Variants in MAP3K11 observed in about 807,000 individuals in gnomAD.
The protein encoded by MAP3K11 is mitogen-activated protein kinase kinase kinase 11, also known as SH3 domain-containing proline-rich kinase.
Under a neutral mutation model 84.9 loss-of-function variants are expected in MAP3K11, and 46 were observed. That is an observed-to-expected ratio of 0.54 (90% confidence interval 0.43 to 0.69). The LOEUF is 0.69. Ranked by LOEUF, MAP3K11 falls within the 30% of genes least tolerant of loss-of-function variation. The pLI, the probability that MAP3K11 is intolerant of heterozygous loss-of-function variation, is 0.00. For synonymous variants in MAP3K11, 527 were observed against 514.7 expected (o/e 1.02, Z -0.32); for missense variants, 1,053 against 1,198.3 (o/e 0.88, Z 1.79).
intron 7 of MAP3K11, 46 bp from the exon 8 acceptor site, chr11:65,605,898 T>G: frequency 6.2e-7 from 1 of 1,612,168 alleles, no homozygotes; most frequent in African/African-American, 1.3e-5. Context: ...ATTTCAGGAC[T>G]TGGGGAAAGC....
chr11:65,610,634 C>T (rs1425060272), intron 1 of MAP3K11: 1 of 152,266 alleles, frequency 6.6e-6, no homozygotes. Flanking sequence ...GGCACCTCCC[C>T]TGGTGCCAGG....
Position 65,599,603 on chromosome 11 carries a change from C to A in MAP3K11, c.1997G>T (p.Gly666Val), listed in dbSNP as rs1462235316. The A allele has an allele frequency of 1.3e-6, 2 of 1,539,992 alleles. No homozygotes were observed. Among genetic ancestry groups the A allele is most frequent in the Admixed American group, 2.1e-5 (1 of 47,936 alleles). The change falls in exon 9 of 10, where the codon GGC becomes GTC. Residue 666 changes from glycine (G) to valine (V), a missense_variant. This residue lies in a region of MAP3K11 where 583 missense variants were observed against 566.6 expected (regional missense o/e 1.03). Coordinates refer to ENST00000309100, the MANE Select transcript of MAP3K11 (RefSeq NM_002419.4). ...GLGRDLQPPG[G>V]PGRERGESPT... Reference sequence around the variant, plus strand: ...GGACTCCCCGCGCTCGCGTCCTGGGCCTCCCGGCGGCTGCAGGTCGCGGCC... The same window carrying A: ...GGACTCCCCGCGCTCGCGTCCTGGGACTCCCGGCGGCTGCAGGTCGCGGCC...
chr11:65,599,754 G>A lies in MAP3K11; in HGVS notation c.1846C>T (p.Pro616Ser). 1.3e-6 allele frequency: 2 copies of A among 1,593,268 alleles called. No individual in the cohort carries two copies. The highest frequency in any genetic ancestry group is 2.2e-5 in the South Asian group (2 of 89,638). The stretch of plus-strand genomic sequence containing the variant: ...TTGGGCTCCTCGGGCTCCAGGCTAG[G>A]CCGCGGGGGGTTACCTGCGGGCAGA... ...PPALNGNPPR[P>S]SLEPEEPKRP... is the part of the protein sequence containing the mutation. The change falls in exon 9 of 10, where the codon CCT (proline) becomes TCT (serine). Residue 616 changes from proline (P) to serine (S), a missense_variant. Physicochemically the swap from Pro to Ser is moderately conservative, Grantham distance 74 (BLOSUM62 -1). Coordinates refer to ENST00000309100, the MANE Select transcript of MAP3K11 (RefSeq NM_002419.4).
intron 8 of MAP3K11, among the ~76,000 whole-genome samples, chr11:65,601,530 G>A (rs765123706): frequency 6.6e-6 from 1 of 152,116 alleles, no homozygotes; most frequent in Non-Finnish European, 1.5e-5. Flanking sequence ...GCCCAGGTGG[G>A]ATGATCACGA....
rs1854399080 is a variant in MAP3K11 at position 65,597,901 on chromosome 11, C to T, written c.*390G>A. ...CAGGGCAGGAGGTCCATGCTCTAAG[C>T]CCTAGGGCAGGGGCCGCAGTAGCAG... On this transcript the variant is annotated 3_prime_UTR_variant, in exon 10 of 10. Coordinates refer to ENST00000309100, the MANE Select transcript of MAP3K11 (RefSeq NM_002419.4). 5.5e-6 allele frequency: 1 copy of T among 181,156 alleles called. No individual in the cohort carries two copies. Among genetic ancestry groups the T allele is most frequent in the Admixed American group, 6.3e-5 (1 of 15,976 alleles). 11.2% of individuals were successfully genotyped at this position (181,156 alleles called of 1,614,324 possible).
At chr11:65,606,850 T>C in intron 5 of MAP3K11, 46 bp from the exon 6 acceptor site, 4 of 1,315,218 alleles carry the variant, frequency 3.0e-6, no homozygotes, top group Non-Finnish European at 4.3e-6. Context: ...TGTGATGAAG[T>C]AGAGCCAGGA....
chr11:65,606,989 A>G, intron 5 of MAP3K11, 185 bp from the exon 6 acceptor site: 2 of 576,022 alleles, frequency 3.5e-6, no homozygotes, highest in Non-Finnish European at 5.9e-6. Flanking sequence ...TACTCGTCTG[A>G]GTCGGAGATG....
Position 65,613,955 on chromosome 11 carries a change from C to G in MAP3K11, c.-199G>C. 1 of 687,904 alleles carries G rather than the reference C, an allele frequency of 1.5e-6. No homozygotes were observed. The highest frequency in any genetic ancestry group is 2.3e-6 in the Non-Finnish European group (1 of 426,552). The allele number at this position is 687,904 out of a possible 1,614,324, so 42.6% of individuals were successfully genotyped here. ...TCTCGGGCTTCTGGAGGAGGGCACC[C>G]AGGGCAGTGTGGTCAGGCCGGGGGG... is the stretch of plus-strand genomic sequence containing the variant. On this transcript the variant is annotated 5_prime_UTR_variant, in exon 1 of 10. Transcript: ENST00000309100.
chr11:65,613,874 GC>G lies in MAP3K11; in HGVS notation c.-119del. 8.6e-7 allele frequency: 1 copy of G among 1,168,964 alleles called. No homozygotes were observed. The highest frequency in any genetic ancestry group is 1.2e-6 in the Non-Finnish European group (1 of 859,260). 72.4% of individuals were successfully genotyped at this position (1,168,964 alleles called of 1,614,324 possible). ...CTGGGCATCCGGGCCCTGGCCCTCA[GC>G]CCCAGACCCACGCCTCTCTGGGGAG... is the stretch of plus-strand genomic sequence containing the variant. On this transcript the variant is annotated 5_prime_UTR_variant, in exon 1 of 10. It removes the in-frame stop codon of an upstream open reading frame in the 5' UTR. Coordinates refer to ENST00000309100, the MANE Select transcript of MAP3K11 (RefSeq NM_002419.4).
chr11:65,606,894 G>T, intron 5 of MAP3K11, 90 bp from the exon 6 acceptor site: 1 of 790,796 alleles, frequency 1.3e-6, no homozygotes. Context: ...CCAGCTCCCA[G>T]GCCACATAGG....
At chr11:65,599,367 G>A in intron 9 of MAP3K11, 27 bp downstream of exon 9, 1 of 1,531,690 alleles carries the variant, frequency 6.5e-7, no homozygotes, top group Non-Finnish European at 8.7e-7. Context: ...TCCCATATGT[G>A]AAGCAGGCCG....
At position 65,606,010 on chromosome 11, in the gene MAP3K11, C is replaced by G; in HGVS notation, c.1675G>C (p.Glu559Gln). ...PRRLEDSSNG[E>Q]RRACWAWGPS... ...CCCCAAGCCCAGCATGCTCGCCGCTCTCCATTGCTTGAGTCCTCCAGACGT... is the reference window on the plus strand; with the variant it reads ...CCCCAAGCCCAGCATGCTCGCCGCTGTCCATTGCTTGAGTCCTCCAGACGT... The change falls in exon 7 of 10, where the codon GAG (glutamate) becomes CAG (glutamine). Residue 559 changes from glutamate (E) to glutamine (Q), a missense_variant. This residue lies in a region of MAP3K11 where 583 missense variants were observed against 566.6 expected (regional missense o/e 1.03). Transcript: ENST00000309100. The G allele has an allele frequency of 1.2e-6, 2 of 1,602,758 alleles. No homozygotes were observed. The highest frequency in any genetic ancestry group is 1.7e-6 in the Non-Finnish European group (2 of 1,175,412).
At chr11:65,607,000 C>T in intron 5 of MAP3K11, 196 bp from the exon 6 acceptor site, 1 of 582,026 alleles carries the variant, frequency 1.7e-6, no homozygotes, top group Non-Finnish European at 2.9e-6. Context: ...GTCGGAGATG[C>T]CCTGGCGCCG....
chr11:65,599,334 C>A, intron 9 of MAP3K11, 60 bp downstream of exon 9: 1 of 1,477,808 alleles, frequency 6.8e-7, no homozygotes. Flanking sequence ...CCAGCCACTC[C>A]TCCCTCCCTG....
In MAP3K11 at chr11:65,613,904, G is replaced by A. The variant is rs1025602918; in HGVS notation, c.-148C>T. ...AGACCCACGCCTCTCTGGGGAGCCAGGAGTGTTGTCTCCCGGCCCCCCGCA... is the reference window on the plus strand; with the variant it reads ...AGACCCACGCCTCTCTGGGGAGCCAAGAGTGTTGTCTCCCGGCCCCCCGCA... On this transcript the variant is annotated 5_prime_UTR_variant, in exon 1 of 10. Coordinates refer to ENST00000309100, the MANE Select transcript of MAP3K11 (RefSeq NM_002419.4). 2 of 908,388 alleles carry A rather than the reference G, an allele frequency of 2.2e-6. No homozygotes were observed. Among genetic ancestry groups the A allele is most frequent in the Non-Finnish European group, 1.6e-6 (1 of 626,122 alleles). 56.3% of individuals were successfully genotyped at this position (908,388 alleles called of 1,614,324 possible). A position where few individuals can be genotyped will look rare whatever the true frequency, so the allele number is the denominator to read the frequency against.
At position 65,607,287 on chromosome 11, in the gene MAP3K11, C is replaced by A; in HGVS notation, c.1472G>T (p.Arg491Leu). 1 of 1,520,540 alleles carries A rather than the reference C, an allele frequency of 6.6e-7. No homozygotes were observed. The highest frequency in any genetic ancestry group is 8.7e-7 in the Non-Finnish European group (1 of 1,143,358). 94.2% of individuals were successfully genotyped at this position (1,520,540 alleles called of 1,614,324 possible). ...SKLRARDGGE[R>L]ISMPLDFKHR... Reference sequence around the variant, plus strand: ...GCCCTCACCGAGTGGCATGCTGATACGCTCGCCGCCGTCGCGCGCCCGGAG... The same window carrying A: ...GCCCTCACCGAGTGGCATGCTGATAAGCTCGCCGCCGTCGCGCGCCCGGAG... Residue 491 changes from arginine (R) to leucine (L), a missense_variant, in exon 5 of 10, where the codon CGT (arginine) becomes CTT (leucine). Transcript: ENST00000309100.
At chr11:65,604,235 G>C (rs1426718384) in intron 8 of MAP3K11, among the ~76,000 whole-genome samples, 4 of 152,246 alleles carry the variant, frequency 2.6e-5, no homozygotes, top group Non-Finnish European at 4.4e-5. Flanking sequence ...GAGAACGATG[G>C]GGCCCAGGCC....
At chr11:65,607,852 A>AG in intron 3 of MAP3K11, 36 bp from the exon 4 acceptor site, 1 of 1,606,568 alleles carries the variant, frequency 6.2e-7, no homozygotes, top group Non-Finnish European at 8.5e-7. Flanking sequence ...CAGAATAAGA[A>AG]GGGGTCCGTG....
chr11:65,599,838 C>A, intron 8 of MAP3K11, 70 bp from the exon 9 acceptor site: 1 of 1,515,424 alleles, frequency 6.6e-7, no homozygotes. Flanking sequence ...AAGACCTCTC[C>A]GTGGTCTTGG....
Sources: gnomAD v4.1 joint callset for allele counts (sites outside exome capture counted in the v4.1 genomes callset) on GRCh38, gnomAD v4.1.1 for gene constraint, gnomAD v4.1.1 regional missense constraint, MANE v1.5 for transcripts, NCBI Gene and HGNC (gene_info 2026-07-23, HGNC 2026-07-21) for gene names.